The following NYAP2 variants were observed in gnomAD, a reference collection of about 807,000 sequenced individuals.
NYAP2 encodes neuronal tyrosine-phosphorylated phosphoinositide-3-kinase adapter 2.
Under a neutral mutation model 50.4 loss-of-function variants are expected in NYAP2, and 23 were observed. The observed-to-expected ratio is 0.46, with a 90% confidence interval of 0.33 to 0.65. The LOEUF is 0.65. Among genes scored for constraint, NYAP2 ranks in the 30% least tolerant of loss-of-function variants. The pLI is 0.02. For synonymous variants in NYAP2, 394 were observed against 365.2 expected, an observed-to-expected ratio of 1.08 and a Z score of -0.90; for missense variants, 885 against 861.0, an observed-to-expected ratio of 1.03 and a Z score of -0.35.
In NYAP2 at chr2:225,627,145, T is replaced by C. The variant is rs1420907356; in HGVS notation, c.1828+19T>C. The C allele has an allele frequency of 6.5e-7, 1 of 1,543,222 alleles. No individual in the cohort carries two copies. The highest frequency in any genetic ancestry group is 8.8e-7 in the Non-Finnish European group (1 of 1,134,848). On this transcript the variant is annotated intron_variant, in intron 6 of 6. Transcript: ENST00000636099. ...AGTTCAGGTAAGGCAGATTATGATCTTCCAGAAGGTAATTCCTCCTGTCTC... is the reference window on the plus strand; with the variant it reads ...AGTTCAGGTAAGGCAGATTATGATCCTCCAGAAGGTAATTCCTCCTGTCTC...
At chr2:225,620,416 TGCACGCACACGCACGCACACAC>T (rs199972807) in intron 5 of NYAP2, among the ~76,000 whole-genome samples, 93,643 of 146,540 alleles carry the variant, frequency 0.64, 29,552 homozygotes, top group South Asian at 0.8. Context: ...CACGCACACA[TGCACGCACACGCACGCACACAC>T]GCACGCACAC....
chr2:225,440,801 C>T (rs1455405193), intron 3 of NYAP2, among the ~76,000 whole-genome samples: 1 of 152,156 alleles, frequency 6.6e-6, no homozygotes, highest in Non-Finnish European at 1.5e-5. Context: ...ATTCAGCTCT[C>T]CTGGTGGGTA....
intron 2 of NYAP2, among the ~76,000 whole-genome samples, chr2:225,407,202 A>AT (rs1232388344): frequency 1.3e-5 from 2 of 151,896 alleles, no homozygotes; most frequent in Admixed American, 6.6e-5. Context: ...ATTTTCTTGT[A>AT]TTTTTCCCCA....
At chr2:225,493,472 G>A (rs1023225796) in intron 3 of NYAP2, among the ~76,000 whole-genome samples, 4 of 152,128 alleles carry the variant, frequency 2.6e-5, no homozygotes, top group Non-Finnish European at 5.9e-5. Flanking sequence ...AAGGGAAAAT[G>A]GGAGATTTTA....
chr2:225,492,913 A>G (rs930546286), intron 3 of NYAP2, among the ~76,000 whole-genome samples: 2 of 152,188 alleles, frequency 1.3e-5, no homozygotes, highest in Non-Finnish European at 2.9e-5. Flanking sequence ...CATGAGATTT[A>G]GAGGGGAGAT....
chr2:225,416,808 G>A (rs1695130765), intron 3 of NYAP2, among the ~76,000 whole-genome samples: 1 of 152,078 alleles, frequency 6.6e-6, no homozygotes. Flanking sequence ...ACAGATGTTG[G>A]CAAGAGGAGG....
chr2:225,617,043 A>G (rs1693002059), intron 5 of NYAP2, among the ~76,000 whole-genome samples: 1 of 152,190 alleles, frequency 6.6e-6, no homozygotes, highest in South Asian at 2.1e-4. Flanking sequence ...AGAAAGCTCA[A>G]TTGCTCATCT....
At chr2:225,518,963 A>G (rs1279729748) in intron 4 of NYAP2, among the ~76,000 whole-genome samples, 2 of 152,082 alleles carry the variant, frequency 1.3e-5, no homozygotes, top group East Asian at 3.9e-4. Context: ...GATTGCAGTG[A>G]GCTGAGACTG....
the NYAP2 span, among the ~76,000 whole-genome samples, chr2:225,666,960 T>G: frequency 6.6e-6 from 1 of 151,746 alleles, no homozygotes; most frequent in Non-Finnish European, 1.5e-5. Flanking sequence ...CTTTGTCATG[T>G]AATGTTATGC....
At chr2:225,603,159 C>G (rs1013663763) in intron 5 of NYAP2, among the ~76,000 whole-genome samples, 1 of 151,990 alleles carries the variant, frequency 6.6e-6, no homozygotes, top group Non-Finnish European at 1.5e-5. Flanking sequence ...TACGTTTATG[C>G]CTAAGTATTT....
chr2:225,425,635 C>T (rs1448290521), intron 3 of NYAP2, among the ~76,000 whole-genome samples: 1 of 152,130 alleles, frequency 6.6e-6, no homozygotes, highest in East Asian at 1.9e-4. Context: ...AGAGACCTAT[C>T]TAATATGTTT....
intron 4 of NYAP2, among the ~76,000 whole-genome samples, chr2:225,573,315 G>T (rs1173799054): frequency 1.4e-5 from 2 of 147,396 alleles, no homozygotes; most frequent in African/African-American, 5.0e-5. Flanking sequence ...GCAATGCCGT[G>T]ATCTAGGCTC....
At chr2:225,522,491 A>G (rs1691082725) in intron 4 of NYAP2, among the ~76,000 whole-genome samples, 1 of 152,172 alleles carries the variant, frequency 6.6e-6, no homozygotes, top group Admixed American at 6.6e-5. Context: ...GTTGAGCCAG[A>G]ACCAAGTGAA....
chr2:225,465,166 G>T (rs1266298896), intron 3 of NYAP2, among the ~76,000 whole-genome samples: 3 of 152,084 alleles, frequency 2.0e-5, no homozygotes, highest in African/African-American at 7.2e-5. Context: ...AGAAGTGGAG[G>T]ACATATCGAC....
intron 4 of NYAP2, among the ~76,000 whole-genome samples, chr2:225,556,937 A>G (rs192787718): frequency 6.6e-6 from 1 of 152,278 alleles, no homozygotes; most frequent in Admixed American, 6.5e-5. Context: ...ACCTCGGACC[A>G]TTGGTCATGT....
chr2:225,426,152 A>T (rs552167874), intron 3 of NYAP2, among the ~76,000 whole-genome samples: 62 of 146,176 alleles, frequency 4.2e-4, no homozygotes, highest in South Asian at 3.6e-3. Context: ...TTTTTTTTTT[A>T]AAAATTCTAC....
At chr2:225,701,118 C>T in the NYAP2 span, 4 of 151,752 alleles carry the variant, frequency 2.6e-5, no homozygotes. Flanking sequence ...TGTGCCTATA[C>T]GATTGTCCAC....
At chr2:225,435,467 G>T (rs143314389) in intron 3 of NYAP2, among the ~76,000 whole-genome samples, 119 of 152,250 alleles carry the variant, frequency 7.8e-4, no homozygotes, top group African/African-American at 2.8e-3. Context: ...CAAAGTGGAG[G>T]TTAAATTGGC....
intron 4 of NYAP2, among the ~76,000 whole-genome samples, chr2:225,529,786 C>A (rs1691222754): frequency 6.6e-6 from 1 of 152,240 alleles, no homozygotes; most frequent in Non-Finnish European, 1.5e-5. Flanking sequence ...TGGCTCACTG[C>A]AACCTCTGCC....
Sources: gnomAD v4.1 joint callset for allele counts (sites outside exome capture counted in the v4.1 genomes callset) on GRCh38, gnomAD v4.1.1 for gene constraint, MANE v1.5 for transcripts, NCBI Gene and HGNC (gene_info 2026-07-23, HGNC 2026-07-21) for gene names.